The following RPN2 variants were observed in gnomAD, a reference collection of about 807,000 sequenced individuals.
RPN2 encodes ribophorin II.
RPN2 carries 29 observed loss-of-function variants against 71.4 expected under a neutral mutation model. The ratio of observed to expected loss-of-function variants is 0.41; its 90% CI spans 0.30 to 0.55. The LOEUF is 0.55. Among genes scored for constraint, RPN2 ranks in the 20% least tolerant of loss-of-function variants. The pLI is 0.35. For synonymous variants in RPN2, 308 were observed against 305.0 expected (o/e 1.01, Z -0.10); for missense variants, 726 against 774.1 (o/e 0.94, Z 0.74).
chr20:37,189,603 A>G (rs1313627378), intron 2 of RPN2, among the ~76,000 whole-genome samples: 1 of 152,128 alleles, frequency 6.6e-6, no homozygotes, highest in Non-Finnish European at 1.5e-5. Context: ...ACGTTTCCTC[A>G]TGATTACACT....
intron 9 of RPN2, among the ~76,000 whole-genome samples, chr20:37,217,395 T>A (rs2342977): frequency 6.6e-6 from 1 of 151,232 alleles, no homozygotes; most frequent in Non-Finnish European, 1.5e-5. Flanking sequence ...TGGGTTCAAG[T>A]GATTTTCCTG....
chr20:37,216,722 GACGTGTTGGGATTAC>G (rs2067814889), intron 9 of RPN2, among the ~76,000 whole-genome samples: 1 of 152,038 alleles, frequency 6.6e-6, no homozygotes, highest in African/African-American at 2.4e-5. Context: ...TTGGCCCACC[GACGTGTTGGGATTAC>G]AGTCGTGAGC....
intron 2 of RPN2, among the ~76,000 whole-genome samples, chr20:37,196,529 A>C (rs2067261234): frequency 1.3e-5 from 2 of 151,910 alleles, no homozygotes; most frequent in Admixed American, 1.3e-4. Context: ...CACCGCGCCC[A>C]GCCTTTTTCT....
chr20:37,239,573 A>G (rs972181668), intron 16 of RPN2, among the ~76,000 whole-genome samples: 4 of 149,432 alleles, frequency 2.7e-5, no homozygotes, highest in Non-Finnish European at 4.5e-5. Flanking sequence ...AGGGAACTGC[A>G]TTTGTTTGTT....
chr20:37,232,498 G>C, intron 14 of RPN2, 107 bp downstream of exon 14: 1 of 1,345,586 alleles, frequency 7.4e-7, no homozygotes. Flanking sequence ...AGCTCCAGAG[G>C]GGTCCAGCAG....
intron 2 of RPN2, among the ~76,000 whole-genome samples, chr20:37,191,472 G>C (rs1232935636): frequency 6.6e-6 from 1 of 151,956 alleles, no homozygotes; most frequent in African/African-American, 2.4e-5. Context: ...GCGAGACCCT[G>C]TCTCAAAAAA....
In RPN2 at chr20:37,213,934, A is replaced by G. The variant is rs1600803159; in HGVS notation, c.1092+69A>G. ...AAGGATATGGCCAAATTGACACAGT[A>G]TTAATTGTCTGGTGCATTGACTTTT... On this transcript the variant is annotated intron_variant, in intron 9 of 16. Coordinates refer to ENST00000237530, the MANE Select transcript of RPN2 (RefSeq NM_002951.5). 2.6e-6 allele frequency: 3 copies of G among 1,143,328 alleles called. No homozygotes were observed. In the East Asian group the frequency reaches 7.0e-5, roughly 27 times the overall value. The allele number at this position is 1,143,328 out of a possible 1,614,324, so 70.8% of individuals were successfully genotyped here.
At chr20:37,235,405 A>G (rs925810244) in intron 15 of RPN2, among the ~76,000 whole-genome samples, 2 of 152,124 alleles carry the variant, frequency 1.3e-5, no homozygotes, top group East Asian at 3.9e-4. Context: ...CTGGGGCAGG[A>G]ATTATGATCC....
intron 9 of RPN2, among the ~76,000 whole-genome samples, chr20:37,221,339 G>A (rs1479256812): frequency 2.6e-5 from 4 of 151,932 alleles, no homozygotes. Context: ...GGGACTACAG[G>A]CGTGCATCAC....
rs1568964508 is a variant in RPN2, at chr20:37,191,372, A to ATTATT, written c.207+6999_207+7000insTTATT. On this transcript the variant is annotated intron_variant, in intron 2 of 16. Coordinates refer to ENST00000237530, the MANE Select transcript of RPN2 (RefSeq NM_002951.5). ...ATGCCTGTAATCCCAGCTACTCGGG[A>ATTATT]GGCCGAGGCAGGAGAATTGCTTGAA... Among the ~76,000 whole-genome samples, 5 of 148,224 alleles carry ATTATT rather than the reference A, an allele frequency of 3.4e-5. No individual in the cohort carries two copies. In the East Asian group the frequency reaches 1.0e-3, roughly 30 times the overall value.
rs1448879890 is a variant in RPN2 at position 37,204,887 on chromosome 20, C to A, written c.676C>A (p.Pro226Thr). 1 of 1,614,134 alleles carries A rather than the reference C, an allele frequency of 6.2e-7. No individual in the cohort carries two copies. The highest frequency in any genetic ancestry group is 8.5e-7 in the Non-Finnish European group (1 of 1,180,036). The change falls in exon 6 of 17, where the codon CCA becomes ACA. Residue 226 changes from proline (P) to threonine (T), a missense_variant. Pro to Thr is a conservative substitution (Grantham distance 38). Coordinates refer to ENST00000237530, the MANE Select transcript of RPN2 (RefSeq NM_002951.5). ...YKLMDHVGTE[P>T]SIKEDQVIQL... is the part of the protein sequence containing the mutation. ...GCTCATGGATCATGTGGGGACTGAGCCATCCATTAAGGAGGTACCTATCTA... is the reference window on the plus strand; with the variant it reads ...GCTCATGGATCATGTGGGGACTGAGACATCCATTAAGGAGGTACCTATCTA...
chr20:37,216,175 C>A (rs1417535207), intron 9 of RPN2, among the ~76,000 whole-genome samples: 6 of 152,030 alleles, frequency 3.9e-5, no homozygotes, highest in African/African-American at 1.4e-4. Flanking sequence ...CCCATCTCTA[C>A]TAAAAACACA....
In RPN2 at chr20:37,241,561, T is replaced by C; in HGVS notation, c.*246T>C. ...TGAATATTCCTAACTTACCCAGATGTTGCTTTTGAAAAGTTGAAATGTGTA... is the reference window on the plus strand; with the variant it reads ...TGAATATTCCTAACTTACCCAGATGCTGCTTTTGAAAAGTTGAAATGTGTA... On this transcript the variant is annotated 3_prime_UTR_variant, in exon 17 of 17. Transcript: ENST00000237530. The C allele has an allele frequency of 1.8e-6, 1 of 561,378 alleles. No homozygotes were observed. Among genetic ancestry groups the C allele is most frequent in the Non-Finnish European group, 3.2e-6 (1 of 311,814 alleles). The allele number at this position is 561,378 out of a possible 1,614,324, so 34.8% of individuals were successfully genotyped here.
At chr20:37,191,310 T>G (rs1178011765) in intron 2 of RPN2, among the ~76,000 whole-genome samples, 1 of 151,984 alleles carries the variant, frequency 6.6e-6, no homozygotes, top group Non-Finnish European at 1.5e-5. Context: ...AACCCTGTCT[T>G]TACTAAAAAT....
At chr20:37,199,817 G>A (rs570805359) in intron 4 of RPN2, among the ~76,000 whole-genome samples, 3 of 152,202 alleles carry the variant, frequency 2.0e-5, no homozygotes, top group African/African-American at 7.2e-5. Context: ...GCTCTTAAGT[G>A]ATAATATATG....
rs1439023061 is a variant in RPN2 at position 37,184,435 on chromosome 20, A to G, written c.207+62A>G. ...AGGAGAACCTTCATCCCCTCACTATATTCCTTTGGGGTAGTTCAAAACTAA... is the reference window on the plus strand; with the variant it reads ...AGGAGAACCTTCATCCCCTCACTATGTTCCTTTGGGGTAGTTCAAAACTAA... On this transcript the variant is annotated intron_variant, in intron 2 of 16. Transcript: ENST00000237530. 2.2e-6 allele frequency: 3 copies of G among 1,345,382 alleles called. No homozygotes were observed. The East Asian group carries it at 6.9e-5, about 31-fold the overall frequency. The allele number at this position is 1,345,382 out of a possible 1,614,324, so 83.3% of individuals were successfully genotyped here. A position where few individuals can be genotyped will look rare whatever the true frequency, so the allele number is the denominator to read the frequency against.
intron 8 of RPN2, among the ~76,000 whole-genome samples, 175 bp downstream of exon 8, chr20:37,210,340 T>C (rs1307711933): frequency 6.6e-6 from 1 of 152,254 alleles, no homozygotes; most frequent in Non-Finnish European, 1.5e-5. Flanking sequence ...TTGGTTTTAC[T>C]GTTTCATTCT....
chr20:37,203,177 G>A (rs1055195671), intron 4 of RPN2, among the ~76,000 whole-genome samples: 5 of 151,788 alleles, frequency 3.3e-5, no homozygotes, highest in Non-Finnish European at 4.4e-5. Context: ...CTCCTGCCTC[G>A]GCCTCCCAAA....
At chr20:37,183,266 C>G (rs1186440373) in intron 1 of RPN2, among the ~76,000 whole-genome samples, 1 of 151,088 alleles carries the variant, frequency 6.6e-6, no homozygotes, top group East Asian at 1.9e-4. Context: ...CTCAGGTTGG[C>G]AACAATGGCG....
Sources: gnomAD v4.1 joint callset for allele counts (sites outside exome capture counted in the v4.1 genomes callset) on GRCh38, gnomAD v4.1.1 for gene constraint, MANE v1.5 for transcripts, NCBI Gene and HGNC (gene_info 2026-07-23, HGNC 2026-07-21) for gene names.